DMD: variants seen among roughly 807,000 people sequenced by gnomAD.
The protein encoded by DMD is dystrophin.
A neutral mutation model predicts 330.1 loss-of-function variants in DMD; 63 were observed. The observed-to-expected ratio is 0.19, with a 90% CI of 0.16 to 0.24. The LOEUF is 0.24. Ranked by LOEUF, DMD falls within the 10% of genes least tolerant of loss-of-function variation. DMD has a pLI of 1.00. For missense variants in DMD, 3,344 were observed against 2,684.1 expected, an observed-to-expected ratio of 1.25 and a Z score of -5.43; for synonymous variants, 1,223 against 959.8, an observed-to-expected ratio of 1.27 and a Z score of -5.07.
intron 44 of DMD, among the ~76,000 whole-genome samples, chrX:32,008,006 G>A (rs115877681): frequency 0.048 from 5,183 of 108,746 alleles, 313 homozygotes; most frequent in African/African-American, 0.17. Context: ...TACTAAAAAA[G>A]AAATTATCTG....
chrX:31,890,576 T>C (rs1355953526), intron 47 of DMD, among the ~76,000 whole-genome samples: 1 of 108,140 alleles, frequency 9.2e-6, no homozygotes, highest in East Asian at 2.9e-4. Flanking sequence ...TGAACAGTGT[T>C]ACAAGCCGTA....
intron 34 of DMD, among the ~76,000 whole-genome samples, chrX:32,376,131 A>C (rs2097901976): frequency 9.0e-6 from 1 of 110,915 alleles, no homozygotes; most frequent in African/African-American, 3.3e-5. Flanking sequence ...AACACAAAAA[A>C]TTAGCAGGGT....
At chrX:31,552,537 A>ATAGT (rs1186325695) in intron 55 of DMD, among the ~76,000 whole-genome samples, 5 of 111,255 alleles carry the variant, frequency 4.5e-5, no homozygotes, top group Middle Eastern at 4.6e-3. Context: ...GAAGGAGGAA[A>ATAGT]TAGTCATTGT....
rs373242267 is a variant in DMD, at chrX:33,098,390, A to G, written c.32-78190T>C. Among the ~76,000 whole-genome samples, 57 of 111,774 alleles carry G rather than the reference A, an allele frequency of 5.1e-4. 1 individual carries two copies. In the South Asian group the frequency reaches 0.01, roughly 20 times the overall value. On this transcript the variant is annotated intron_variant, in intron 1 of 78. Transcript: ENST00000357033. The stretch of plus-strand genomic sequence containing the variant: ...AGGAGCAAGTTGCTAACTTTCTTTG[A>G]ATTATAGTTTCTCATGGTGTAAACC...
chrX:32,769,796 A>C (rs895026184), intron 7 of DMD, among the ~76,000 whole-genome samples: 25 of 92,760 alleles, frequency 2.7e-4, no homozygotes, highest in African/African-American at 1.1e-3. Flanking sequence ...TTGAGTAAAC[A>C]TTACTATCCA....
At chrX:32,536,880 A>C (rs2148911659) in intron 17 of DMD, among the ~76,000 whole-genome samples, 1 of 111,966 alleles carries the variant, frequency 8.9e-6, no homozygotes, top group African/African-American at 3.2e-5. Context: ...TCTAATTAAA[A>C]CTGCATTTTA....
intron 1 of DMD, among the ~76,000 whole-genome samples, chrX:33,116,665 G>A (rs1327899003): frequency 9.0e-6 from 1 of 111,677 alleles, no homozygotes; most frequent in Non-Finnish European, 1.9e-5. Flanking sequence ...TGGAACAAAA[G>A]TTCATAGAAA....
At chrX:32,573,461 G>A in intron 15 of DMD, 69 bp downstream of exon 15, 1 of 832,381 alleles carries the variant, frequency 1.2e-6, no homozygotes, top group Non-Finnish European at 1.8e-6. Flanking sequence ...GCATAGAAGA[G>A]ACTAAATAAT....
At chrX:32,068,503 T>C (rs2096275755) in intron 44 of DMD, among the ~76,000 whole-genome samples, 1 of 109,585 alleles carries the variant, frequency 9.1e-6, no homozygotes, top group African/African-American at 3.3e-5. Flanking sequence ...GTCTTACATT[T>C]AAATCTTTAA....
intron 50 of DMD, among the ~76,000 whole-genome samples, chrX:31,792,841 G>C (rs1295355219): frequency 8.9e-6 from 1 of 111,812 alleles, no homozygotes; most frequent in African/African-American, 3.3e-5. Context: ...TAACAGCTCA[G>C]TGGGCCATTT....
At position 32,809,616 on chromosome X, in the gene DMD, AACACATACACATAC is replaced by A. The variant is rs1461325519; in HGVS notation, c.531-19_531-6del. The stretch of plus-strand genomic sequence containing the variant: ...TTCCAGTCAAATAGGTCTGGCCTAA[AACACATACACATAC>A]ACACATACACAAAGACAAATATAAA... On this transcript the variant is annotated splice_polypyrimidine_tract_variant and splice_region_variant and intron_variant, in intron 6 of 78. Transcript: ENST00000357033. 2.5e-6 allele frequency: 3 copies of A among 1,182,663 alleles called. No individual in the cohort carries two copies. The highest frequency in any genetic ancestry group is 3.5e-5 in the African/African-American group (2 of 56,425).
chrX:31,823,078 G>C (rs1394400783), intron 49 of DMD, among the ~76,000 whole-genome samples: 4 of 112,569 alleles, frequency 3.6e-5, no homozygotes, highest in African/African-American at 6.5e-5. Context: ...CCAGCCAATG[G>C]GGGGAAAGGG....
chrX:31,843,519 G>T (rs1047220487), intron 48 of DMD, among the ~76,000 whole-genome samples: 1 of 111,889 alleles, frequency 8.9e-6, no homozygotes, highest in Admixed American at 9.5e-5. Flanking sequence ...CTTCTTTTGA[G>T]AAGTATCTAT....
intron 7 of DMD, among the ~76,000 whole-genome samples, chrX:32,778,457 G>A (rs964456861): frequency 1.8e-5 from 2 of 111,236 alleles, no homozygotes; most frequent in Non-Finnish European, 3.8e-5. Context: ...AGAGAGTGCA[G>A]TAGTATTCAA....
At chrX:31,261,192 G>A in intron 62 of DMD, 176 bp from the exon 63 acceptor site, 1 of 434,999 alleles carries the variant, frequency 2.3e-6, no homozygotes, top group Non-Finnish European at 4.0e-6. Context: ...AAGCAGAAAG[G>A]CCCCTTTCTG....
chrX:32,629,600 TTC>T (rs201406637), intron 11 of DMD, among the ~76,000 whole-genome samples: 2,034 of 111,102 alleles, frequency 0.018, 23 homozygotes, highest in Middle Eastern at 0.028. Flanking sequence ...CTTCTCTTCA[TTC>T]TCTCTTTCCT....
At chrX:32,475,186 G>A (rs1358680822) in intron 21 of DMD, among the ~76,000 whole-genome samples, 2 of 110,539 alleles carry the variant, frequency 1.8e-5, no homozygotes, top group Non-Finnish European at 3.8e-5. Flanking sequence ...TTTATTTCTG[G>A]GTTCTCTATT....
rs190044144 is a variant in DMD at position 33,309,796 on chromosome X, G to A, written c.7+29463C>T. ...TATATTTTTATTACAAGTATGTGGT[G>A]TGATTATATTATTATTACAAAATTA... On this transcript the variant is annotated intron_variant, in intron 1 of 17. Transcript: ENST00000288447. Among the ~76,000 whole-genome samples, 598 of 110,792 alleles carry A rather than the reference G, an allele frequency of 5.4e-3. 5 individuals are homozygous for A. Among genetic ancestry groups the A allele is most frequent in the African/African-American group, 0.019 (575 of 30,625 alleles).
At chrX:31,908,161 T>G (rs1414566366) in intron 47 of DMD, among the ~76,000 whole-genome samples, 1 of 112,162 alleles carries the variant, frequency 8.9e-6, no homozygotes, top group Non-Finnish European at 1.9e-5. Flanking sequence ...GTGTGGCGAT[T>G]CCTCAAGGAT....
Sources: allele counts gnomAD v4.1 joint callset (sites outside exome capture counted in the v4.1 genomes callset), GRCh38; gene constraint gnomAD v4.1.1; transcripts MANE v1.5; gene names NCBI Gene and HGNC (gene_info 2026-07-23, HGNC 2026-07-21).